Variants in PKD1L1 observed in about 807,000 individuals in gnomAD.
The protein encoded by PKD1L1 is polycystin 1 like 1, transient receptor potential channel interacting.
A neutral mutation model predicts 323.4 loss-of-function variants in PKD1L1; 236 were observed. The ratio of observed to expected loss-of-function variants is 0.73; its 90% CI spans 0.66 to 0.81. The LOEUF is 0.81. Ranked by LOEUF, PKD1L1 falls within the 40% of genes least tolerant of loss-of-function variation. The pLI, the probability that PKD1L1 is intolerant of heterozygous loss-of-function variation, is 0.00. For synonymous variants in PKD1L1, 1,344 were observed against 1,335.0 expected, an observed-to-expected ratio of 1.01 and a Z score of -0.15; for missense variants, 3,320 against 3,508.0, an observed-to-expected ratio of 0.95 and a Z score of 1.35.
At chr7:47,900,461 C>G (rs1787061783) in intron 13 of PKD1L1, among the ~76,000 whole-genome samples, 1 of 152,180 alleles carries the variant, frequency 6.6e-6, no homozygotes, top group African/African-American at 2.4e-5. Context: ...GGAAACTTGG[C>G]CAGGCATGGT....
chr7:47,917,055 C>G (rs1344987498), intron 7 of PKD1L1, among the ~76,000 whole-genome samples: 1 of 151,990 alleles, frequency 6.6e-6, no homozygotes, highest in Non-Finnish European at 1.5e-5. Flanking sequence ...AGGCAAAGCC[C>G]AGTGTAAGGA....
intron 37 of PKD1L1, among the ~76,000 whole-genome samples, chr7:47,835,541 C>T (rs1222496386): frequency 1.3e-5 from 2 of 152,074 alleles, no homozygotes; most frequent in East Asian, 3.9e-4. Context: ...GCTGGGATTA[C>T]AGGCATGCAC....
chr7:47,800,714 G>T lies in PKD1L1; in HGVS notation c.8128C>A (p.Gln2710Lys). 1 of 1,614,182 alleles carries T rather than the reference G, an allele frequency of 6.2e-7. No homozygotes were observed. Among genetic ancestry groups the T allele is most frequent in the Non-Finnish European group, 8.5e-7 (1 of 1,180,038 alleles). Residue 2710 changes from glutamine to lysine, a missense_variant, in exon 54 of 57, where the codon CAG becomes AAG. Coordinates refer to ENST00000289672, the MANE Select transcript of PKD1L1 (RefSeq NM_138295.5). ...DCLLGLSKSD[Q>K]RAMACYFGIL... ...CCAAAGTAACAAGCCATGGCCCGCT[G>T]GTCAGACTTGGAAAGGCCAAGGAGG...
At chr7:47,822,594 C>CAAAAAAAAAAAAA (rs745820560) in intron 45 of PKD1L1, among the ~76,000 whole-genome samples, 1 of 71,402 alleles carries the variant, frequency 1.4e-5, no homozygotes, top group Non-Finnish European at 2.5e-5. Flanking sequence ...GACTCCGTCT[C>CAAAAAAAAAAAAA]AAAAAAAAAA....
intron 23 of PKD1L1, among the ~76,000 whole-genome samples, chr7:47,874,890 A>G (rs1318515978): frequency 6.6e-6 from 1 of 152,232 alleles, no homozygotes; most frequent in Non-Finnish European, 1.5e-5. Context: ...AGGTATTCAT[A>G]GGAATTGGCT....
At chr7:47,947,116 A>T (rs1044789294) in intron 1 of PKD1L1, among the ~76,000 whole-genome samples, 1 of 152,204 alleles carries the variant, frequency 6.6e-6, no homozygotes, top group African/African-American at 2.4e-5. Flanking sequence ...AAAATCAGAC[A>T]ATGCTTGGCA....
chr7:47,948,596 C>G (rs1788149994), upstream of PKD1L1: 4 of 638,304 alleles, frequency 6.3e-6, no homozygotes, highest in Admixed American at 2.8e-5. Context: ...AATCCAAACT[C>G]CAGTAACATT....
chr7:47,927,670 G>C (rs1787681517), intron 7 of PKD1L1, among the ~76,000 whole-genome samples: 1 of 152,138 alleles, frequency 6.6e-6, no homozygotes, highest in Non-Finnish European at 1.5e-5. Flanking sequence ...AGTTGACAAG[G>C]ATGAACCTAA....
chr7:47,875,488 C>T (rs763554352), intron 23 of PKD1L1, among the ~76,000 whole-genome samples: 3 of 152,148 alleles, frequency 2.0e-5, no homozygotes, highest in Non-Finnish European at 4.4e-5. Flanking sequence ...AAAAAGTCAC[C>T]AACCCCCAAG....
chr7:47,797,834 A>C (rs1387369131), intron 54 of PKD1L1, among the ~76,000 whole-genome samples: 3 of 152,196 alleles, frequency 2.0e-5, no homozygotes, highest in Non-Finnish European at 2.9e-5. Flanking sequence ...TCTCTGATCT[A>C]AGTTTCTTGC....
chr7:47,958,495 AAC>A, the PKD1L1 span, among the ~76,000 whole-genome samples: 1 of 152,238 alleles, frequency 6.6e-6, no homozygotes, highest in Non-Finnish European at 1.5e-5. Flanking sequence ...TGCTAGAGGA[AAC>A]ACAGGAGAAA....
chr7:47,913,725 A>G (rs770167570), intron 8 of PKD1L1, among the ~76,000 whole-genome samples: 22 of 152,336 alleles, frequency 1.4e-4, no homozygotes, highest in Non-Finnish European at 2.6e-4. Context: ...TTTCCTATAC[A>G]GTCTGCAGAA....
intron 34 of PKD1L1, among the ~76,000 whole-genome samples, 194 bp downstream of exon 34, chr7:47,842,768 G>T (rs1323539041): frequency 6.6e-6 from 1 of 152,222 alleles, no homozygotes; most frequent in Non-Finnish European, 1.5e-5. Flanking sequence ...AGAAGGTGAA[G>T]GGGTCTGCTC....
At chr7:47,790,748 ATT>A (rs1251639750) in intron 56 of PKD1L1, among the ~76,000 whole-genome samples, 1 of 146,796 alleles carries the variant, frequency 6.8e-6, no homozygotes, top group African/African-American at 2.5e-5. Flanking sequence ...TGTGTGTTTT[ATT>A]TTTTATTTTT....
chr7:47,802,316 T>C (rs563559274), intron 53 of PKD1L1, among the ~76,000 whole-genome samples: 55 of 151,828 alleles, frequency 3.6e-4, no homozygotes, highest in Non-Finnish European at 6.5e-4. Flanking sequence ...TCGGGGCAAA[T>C]GTCGTTAATG....
intron 36 of PKD1L1, among the ~76,000 whole-genome samples, chr7:47,838,313 A>G (rs1785498221): frequency 6.6e-6 from 1 of 152,246 alleles, no homozygotes; most frequent in African/African-American, 2.4e-5. Context: ...AAGAAAGCCC[A>G]GTGGCCTGGC....
intron 25 of PKD1L1, among the ~76,000 whole-genome samples, chr7:47,865,752 A>ATTT (rs540966946): frequency 3.6e-5 from 5 of 137,094 alleles, no homozygotes; most frequent in African/African-American, 1.1e-4. Flanking sequence ...CACCTGGCTA[A>ATTT]TTTTTTTTTT....
intron 50 of PKD1L1, among the ~76,000 whole-genome samples, chr7:47,810,719 C>T (rs961241435): frequency 1.2e-4 from 19 of 152,228 alleles, no homozygotes; most frequent in African/African-American, 4.6e-4. Flanking sequence ...CAACTACAGG[C>T]AGAAAATCAG....
At position 47,839,251 on chromosome 7, in the gene PKD1L1, T is replaced by G. The variant is rs1338825616; in HGVS notation, c.5769+195A>C. Among the ~76,000 whole-genome samples, 1 of 152,242 alleles carries G rather than the reference T, an allele frequency of 6.6e-6. No individual in the cohort carries two copies. The highest frequency in any genetic ancestry group is 1.5e-5 in the Non-Finnish European group (1 of 68,038). ...TACAATAATTAATAATTGTGAAGGG[T>G]AATTAATCCATGCTTGGATGGCCAC... On this transcript the variant is annotated intron_variant, in intron 36 of 56. Coordinates refer to ENST00000289672, the MANE Select transcript of PKD1L1 (RefSeq NM_138295.5). The surrounding 1 kb of genome is among the most constrained non-coding windows in gnomAD (Gnocchi z 4.3).
Sources: gnomAD v4.1 joint callset for allele counts (sites outside exome capture counted in the v4.1 genomes callset) on GRCh38, gnomAD v4.1.1 for gene constraint, Gnocchi (gnomAD v3.1) non-coding constraint, MANE v1.5 for transcripts, NCBI Gene and HGNC (gene_info 2026-07-23, HGNC 2026-07-21) for gene names.